Variants in CCDC91 observed in about 807,000 individuals in gnomAD.
The protein encoded by CCDC91 is coiled-coil domain-containing protein 91.
Under a neutral mutation model 63.2 loss-of-function variants are expected in CCDC91, and 48 were observed. The observed-to-expected ratio is 0.76, with a 90% CI of 0.60 to 0.97. CCDC91 has a LOEUF of 0.97. Among genes scored for constraint, CCDC91 ranks in the 50% least tolerant of loss-of-function variants. CCDC91 has a pLI of 0.00. For synonymous variants in CCDC91, 167 were observed against 165.8 expected (o/e 1.01, Z -0.06); for missense variants, 500 against 494.6 (o/e 1.01, Z -0.10).
chr12:28,538,854 CCAGTGATGATGAGCATATTTT>C (rs1164288530), intron 12 of CCDC91, among the ~76,000 whole-genome samples: 3 of 152,156 alleles, frequency 2.0e-5, no homozygotes, highest in African/African-American at 7.2e-5. Flanking sequence ...TCTCTGATGG[CCAGTGATGATGAGCATATTTT>C]CATGTGTCTT....
chr12:28,237,235 T>TACACACACACAC (rs58134900), intron 1 of CCDC91, among the ~76,000 whole-genome samples: 27,902 of 142,824 alleles, frequency 0.2, 2,903 homozygotes, highest in East Asian at 0.21. Context: ...GTATTACACA[T>TACACACACACAC]ACACACACAC....
chr12:28,503,923 T>A, intron 12 of CCDC91, among the ~76,000 whole-genome samples: 1 of 147,690 alleles, frequency 6.8e-6, no homozygotes, highest in African/African-American at 2.5e-5. Flanking sequence ...CATCACACTC[T>A]GGGGACTGTT....
intron 1 of CCDC91, among the ~76,000 whole-genome samples, chr12:28,198,274 G>A (rs1941935556): frequency 6.6e-6 from 1 of 152,118 alleles, no homozygotes; most frequent in South Asian, 2.1e-4. Context: ...CAGAACTTCT[G>A]CAATTGTAGT....
At chr12:28,521,615 T>G (rs1940676831) in intron 12 of CCDC91, among the ~76,000 whole-genome samples, 1 of 152,136 alleles carries the variant, frequency 6.6e-6, no homozygotes, top group Admixed American at 6.6e-5. Flanking sequence ...CTATGTTGAT[T>G]AGGAGTGGTG....
intron 6 of CCDC91, among the ~76,000 whole-genome samples, chr12:28,317,962 T>C (rs1235402953): frequency 6.6e-6 from 1 of 152,000 alleles, no homozygotes; most frequent in Non-Finnish European, 1.5e-5. Context: ...TTTTATACTG[T>C]TTCTCCTCAT....
At chr12:28,418,574 T>A (rs1362643642) in intron 8 of CCDC91, among the ~76,000 whole-genome samples, 1 of 152,118 alleles carries the variant, frequency 6.6e-6, no homozygotes, top group Non-Finnish European at 1.5e-5. Context: ...CAAAGCATAG[T>A]GCTGTCCTTT....
At chr12:28,235,171 C>T (rs989166351) in intron 1 of CCDC91, among the ~76,000 whole-genome samples, 24 of 152,034 alleles carry the variant, frequency 1.6e-4, no homozygotes, top group Non-Finnish European at 3.1e-4. Context: ...TTTCTTAAGG[C>T]CTGGGCCCAG....
intron 1 of CCDC91, among the ~76,000 whole-genome samples, chr12:28,247,412 G>A (rs1197482548): frequency 7.3e-5 from 11 of 151,396 alleles, no homozygotes; most frequent in Admixed American, 2.6e-4. Flanking sequence ...CCCGGGAGGC[G>A]GAGCTTGCAG....
chr12:28,212,565 G>A (rs1256942105), intron 1 of CCDC91, among the ~76,000 whole-genome samples: 1 of 152,156 alleles, frequency 6.6e-6, no homozygotes, highest in African/African-American at 2.4e-5. Flanking sequence ...TAAGATAGGT[G>A]CAGTTCATCC....
At chr12:28,232,920 G>T (rs1052927960) in intron 1 of CCDC91, among the ~76,000 whole-genome samples, 12 of 150,108 alleles carry the variant, frequency 8.0e-5, no homozygotes, top group African/African-American at 2.5e-4. Flanking sequence ...GGCAGAGGTT[G>T]CAGTGAGCTG....
At position 28,485,263 on chromosome 12, in the gene CCDC91, ATTC is replaced by A. The variant is rs374689709; in HGVS notation, c.1215+1103_1215+1105del. Reference sequence around the variant, plus strand: ...AACCTCTGCCTCCCGGATTCAAGCAATTCTTCTGCCCCAGCCTCCTGAGTAGCT... The same window carrying A: ...AACCTCTGCCTCCCGGATTCAAGCAATTCTGCCCCAGCCTCCTGAGTAGCT... On this transcript the variant is annotated intron_variant, in intron 12 of 12. Coordinates refer to ENST00000536442, the MANE Select transcript of CCDC91 (RefSeq NM_018318.5). 8.0e-4 allele frequency among the ~76,000 whole-genome samples: 121 copies of A among 152,018 alleles called. 1 individual carries two copies. In the East Asian group the frequency reaches 0.02, roughly 26 times the overall value.
At chr12:28,548,999 T>G (rs1436584873) in intron 12 of CCDC91, 64 bp from the exon 13 acceptor site, 21 of 1,120,698 alleles carry the variant, frequency 1.9e-5, no homozygotes, top group South Asian at 7.9e-5. Context: ...AGACATAATA[T>G]TCTTTATCCT....
intron 6 of CCDC91, among the ~76,000 whole-genome samples, chr12:28,322,898 CTT>C (rs1252543745): frequency 1.3e-5 from 2 of 151,322 alleles, no homozygotes; most frequent in African/African-American, 4.8e-5. Context: ...TAAAATATAA[CTT>C]TTGATATTTT....
At chr12:28,313,788 T>C (rs1162395567) in intron 6 of CCDC91, among the ~76,000 whole-genome samples, 6 of 152,042 alleles carry the variant, frequency 3.9e-5, no homozygotes, top group Admixed American at 3.9e-4. Context: ...AAGTGAGTCA[T>C]GCTGCATTTA....
At chr12:28,216,081 G>A (rs1027092864) in intron 1 of CCDC91, among the ~76,000 whole-genome samples, 1 of 152,036 alleles carries the variant, frequency 6.6e-6, no homozygotes, top group African/African-American at 2.4e-5. Flanking sequence ...GAGTAATCAT[G>A]AAGACTCTAG....
chr12:28,429,195 A>G (rs566871875), intron 8 of CCDC91, among the ~76,000 whole-genome samples: 1 of 152,312 alleles, frequency 6.6e-6, no homozygotes, highest in African/African-American at 2.4e-5. Flanking sequence ...TTAGTTTCCC[A>G]ATAATGTTTG....
chr12:28,392,815 A>G (rs537612908), intron 8 of CCDC91, among the ~76,000 whole-genome samples: 1 of 152,344 alleles, frequency 6.6e-6, no homozygotes, highest in Admixed American at 6.5e-5. Context: ...AGTGTGCTGT[A>G]TTCTCTCCAT....
intron 11 of CCDC91, among the ~76,000 whole-genome samples, chr12:28,472,152 A>G (rs1950852418): frequency 6.6e-6 from 1 of 152,208 alleles, no homozygotes; most frequent in African/African-American, 2.4e-5. Flanking sequence ...AAACTAGTCT[A>G]TTGGAGAATG....
chr12:28,207,826 G>T (rs762495577), intron 1 of CCDC91, among the ~76,000 whole-genome samples: 1 of 152,130 alleles, frequency 6.6e-6, no homozygotes, highest in Non-Finnish European at 1.5e-5. Context: ...AGCTGTTCTG[G>T]TTTTTCATGA....
Sources: gnomAD v4.1 joint callset for allele counts (sites outside exome capture counted in the v4.1 genomes callset) on GRCh38, gnomAD v4.1.1 for gene constraint, MANE v1.5 for transcripts, NCBI Gene and HGNC (gene_info 2026-07-23, HGNC 2026-07-21) for gene names.